NWD1: variants seen among roughly 807,000 people sequenced by gnomAD.
NWD1 encodes the protein NACHT and WD repeat domain containing 1.
NWD1 carries 129 observed loss-of-function variants against 135.1 expected under a neutral mutation model. The observed-to-expected ratio is 0.96, with a 90% CI of 0.83 to 1.11. NWD1 has a LOEUF of 1.11. Among genes scored for constraint, NWD1 ranks in the 50% least tolerant of loss-of-function variants. NWD1 has a pLI of 0.00. For missense variants in NWD1, 1,740 were observed against 1,851.3 expected, an observed-to-expected ratio of 0.94 and a Z score of 1.10; for synonymous variants, 773 against 786.0, an observed-to-expected ratio of 0.98 and a Z score of 0.28.
intron 6 of NWD1, among the ~76,000 whole-genome samples, chr19:16,754,824 A>T (rs552998098): frequency 4.5e-4 from 68 of 149,666 alleles, no homozygotes; most frequent in African/African-American, 1.6e-3. Flanking sequence ...CCATCCACAC[A>T]TCATCTCTAT....
intron 6 of NWD1, 122 bp downstream of exon 6, chr19:16,750,533 C>T: frequency 1.4e-6 from 1 of 702,250 alleles, no homozygotes; most frequent in Non-Finnish European, 2.2e-6. Context: ...TAGCTCACTG[C>T]AGTCTCCAAC....
chr19:16,764,114 G>A (rs1043468508), intron 9 of NWD1, among the ~76,000 whole-genome samples, 169 bp downstream of exon 9: 3 of 152,122 alleles, frequency 2.0e-5, no homozygotes, highest in Admixed American at 6.6e-5. Context: ...TACAGTGTCC[G>A]CAGATAGTTT....
chr19:16,799,352 C>T (rs898765671), intron 16 of NWD1, among the ~76,000 whole-genome samples: 16 of 151,612 alleles, frequency 1.1e-4, no homozygotes, highest in Admixed American at 3.9e-4. Context: ...TGCACCACCA[C>T]GCTTGGCTGA....
At position 16,749,746 on chromosome 19, in the gene NWD1, C is replaced by T. The variant is rs371988369; in HGVS notation, c.1104C>T (p.Thr368=). The part of the protein sequence containing the change: ...MPRLLGHKTV[T]VLRLLGTSQM... ...GGCTGCTGGGGCACAAGACAGTGAC[C>T]GTCCTGCGGCTGCTGGGGACGTCAC... The change falls in exon 6 of 19, where the codon ACC becomes ACT. Residue 368 remains threonine (T), a synonymous_variant. Transcript: ENST00000524140. 22 of 1,606,798 alleles carry T rather than the reference C, an allele frequency of 1.4e-5. No individual in the cohort carries two copies. The highest frequency in any genetic ancestry group is 2.7e-5 in the African/African-American group (2 of 74,860).
chr19:16,758,462 G>C (rs947905636), intron 6 of NWD1, among the ~76,000 whole-genome samples: 1 of 152,024 alleles, frequency 6.6e-6, no homozygotes, highest in Non-Finnish European at 1.5e-5. Context: ...TTTTTTTGTA[G>C]AGATGGGGTC....
intron 12 of NWD1, among the ~76,000 whole-genome samples, chr19:16,787,904 A>AATCATCATC (rs149004219): frequency 2.5e-5 from 3 of 121,054 alleles, no homozygotes; most frequent in Admixed American, 9.0e-5. Context: ...TAATAATAAT[A>AATCATCATC]ATCATCATCA....
At chr19:16,729,517 T>C (rs1417834195) in intron 2 of NWD1, among the ~76,000 whole-genome samples, 1 of 151,452 alleles carries the variant, frequency 6.6e-6, no homozygotes, top group East Asian at 1.9e-4. Context: ...GCAGATTGCT[T>C]GAGCTCAGGA....
Position 16,731,275 on chromosome 19 carries a change from T to G in NWD1, c.78T>G (p.Phe26Leu). The change falls in exon 3 of 19, where the codon TTT becomes TTG. Residue 26 changes from phenylalanine to leucine, a missense_variant. Phe to Leu is a conservative substitution (Grantham distance 22, BLOSUM62 0). Transcript: ENST00000524140. ...TCTGCCAGAGGCACGGCTTGATGTT[T>G]GAGGTAACTGGAAGTCACTCCGGGC... The part of the protein sequence containing the change: ...QTFCQRHGLM[F>L]EVVDLRWGIR... 6.6e-7 allele frequency: 1 copy of G among 1,522,872 alleles called. No homozygotes were observed. Among genetic ancestry groups the G allele is most frequent in the Non-Finnish European group, 8.8e-7 (1 of 1,134,870 alleles). The allele number at this position is 1,522,872 out of a possible 1,614,324, so 94.3% of individuals were successfully genotyped here.
chr19:16,737,154 C>T (rs944819048), intron 4 of NWD1, among the ~76,000 whole-genome samples: 33 of 151,964 alleles, frequency 2.2e-4, no homozygotes, highest in African/African-American at 6.3e-4. Flanking sequence ...GGTTTCAGGT[C>T]GTGGGGACTT....
At chr19:16,758,684 G>C (rs1968887486) in intron 6 of NWD1, among the ~76,000 whole-genome samples, 1 of 152,100 alleles carries the variant, frequency 6.6e-6, no homozygotes, top group South Asian at 2.1e-4. Context: ...TCCCTATAGT[G>C]TCTGTCTCAG....
intron 3 of NWD1, 41 bp downstream of exon 3, chr19:16,731,319 T>C: frequency 8.1e-7 from 1 of 1,236,532 alleles, no homozygotes; most frequent in Non-Finnish European, 1.1e-6. Flanking sequence ...TTTTTTATTT[T>C]TTTTTGACAC....
chr19:16,773,285 G>GC lies in NWD1; in HGVS notation c.2570_2571insC (p.Gly858ArgfsTer101). On this transcript the variant is annotated frameshift_variant, in exon 11 of 19. Transcript: ENST00000524140. LOFTEE classifies it high-confidence loss of function. ...CTCGGAGGATTCCTCCAGCCCCCGGGAGGACCCCTCCGGGCAACTCTCAGC... is the reference window on the plus strand; with the variant it reads ...CTCGGAGGATTCCTCCAGCCCCCGGGCAGGACCCCTCCGGGCAACTCTCAGC... 6.2e-7 allele frequency: 1 copy of GC among 1,613,240 alleles called. No homozygotes were observed. Among genetic ancestry groups the GC allele is most frequent in the Non-Finnish European group, 8.5e-7 (1 of 1,179,976 alleles).
At chr19:16,792,791 C>A (rs549480821) in intron 14 of NWD1, among the ~76,000 whole-genome samples, 22 of 150,184 alleles carry the variant, frequency 1.5e-4, no homozygotes, top group South Asian at 4.2e-4. Context: ...GCAGGAGAAT[C>A]ACTTGAACCC....
At chr19:16,813,679 G>C (rs1358648321) in intron 18 of NWD1, among the ~76,000 whole-genome samples, 2 of 150,670 alleles carry the variant, frequency 1.3e-5, no homozygotes, top group African/African-American at 5.0e-5. Context: ...GTTTCACCAT[G>C]TTGGCCAGGC....
chr19:16,753,201 C>A (rs1424326414), intron 6 of NWD1, among the ~76,000 whole-genome samples: 1 of 152,204 alleles, frequency 6.6e-6, no homozygotes, highest in East Asian at 1.9e-4. Context: ...CCCTCTGGAA[C>A]TTCAGCTTGC....
intron 2 of NWD1, among the ~76,000 whole-genome samples, chr19:16,726,533 G>T (rs775655708): frequency 6.6e-6 from 1 of 151,826 alleles, no homozygotes; most frequent in Non-Finnish European, 1.5e-5. Context: ...TCCACCTCCT[G>T]AGTTCAAGCG....
intron 8 of NWD1, among the ~76,000 whole-genome samples, chr19:16,762,351 C>T (rs1969055323): frequency 7.5e-6 from 1 of 133,898 alleles, no homozygotes; most frequent in Non-Finnish European, 1.5e-5. Context: ...GGCTGGAGTG[C>T]AATGGCGTGA....
At chr19:16,774,199 A>G (rs1472432282) in intron 11 of NWD1, among the ~76,000 whole-genome samples, 3 of 144,942 alleles carry the variant, frequency 2.1e-5, no homozygotes, top group Non-Finnish European at 3.0e-5. Context: ...CTATCCTCCC[A>G]CCCTTCCATC....
At chr19:16,773,422 G>A in intron 11 of NWD1, 99 bp downstream of exon 11, 1 of 1,037,230 alleles carries the variant, frequency 9.6e-7, no homozygotes, top group South Asian at 1.5e-5. Context: ...ACTCCCCTGT[G>A]CTAGTTGGGA....
Sources: gnomAD v4.1 joint callset for allele counts (sites outside exome capture counted in the v4.1 genomes callset) on GRCh38, gnomAD v4.1.1 for gene constraint, MANE v1.5 for transcripts, NCBI Gene and HGNC (gene_info 2026-07-23, HGNC 2026-07-21) for gene names.